ZNF761: variants seen among roughly 807,000 people sequenced by gnomAD.
ZNF761 encodes the protein zinc finger protein 761.
In ZNF761, 43 loss-of-function variants were observed where a neutral mutation model predicts 59.9. The observed-to-expected ratio is 0.72, with a 90% confidence interval of 0.56 to 0.92. ZNF761 has a LOEUF of 0.92. Among genes scored for constraint, ZNF761 ranks in the 40% least tolerant of loss-of-function variants. ZNF761 has a pLI of 0.00. For synonymous variants in ZNF761, 294 were observed against 304.8 expected, an observed-to-expected ratio of 0.96 and a Z score of 0.37; for missense variants, 850 against 906.1, an observed-to-expected ratio of 0.94 and a Z score of 0.79.
rs780443107 is a variant in ZNF761 at position 53,455,128 on chromosome 19, A to G, written c.621A>G (p.Glu207=). 2.5e-6 allele frequency: 4 copies of G among 1,614,078 alleles called. No individual in the cohort carries two copies. The Admixed American group carries it at 5.0e-5, about 20-fold the overall frequency. ...WNSSLLTQKQ[E]VHMREKSFQC... ...CTTCATTACTCACACAAAAACAGGA[A>G]GTACACATGAGAGAAAAATCTTTCC... Residue 207 remains glutamate (E), a synonymous_variant, in exon 5 of 5, where the codon GAA becomes GAG. Transcript: ENST00000684525.
At chr19:53,444,410 G>A (rs1054905061) in intron 1 of ZNF761, 1 of 152,168 alleles carries the variant, frequency 6.6e-6, no homozygotes, top group African/African-American at 2.4e-5. Context: ...TGAGATGTTT[G>A]TGTAAAGTCA....
In ZNF761 at chr19:53,455,534, C is replaced by T. The variant is rs374821142; in HGVS notation, c.1027C>T (p.Arg343Cys). Residue 343 changes from arginine (R) to cysteine (C), a missense_variant, in exon 5 of 5, where the codon CGC becomes TGC. Transcript: ENST00000684525. ...KTFRQKSILT[R>C]HHRLHTGEKP... ...CTTTAGGCAGAAGTCAATCCTTACA[C>T]GCCATCATCGACTTCATACTGGAGA... The T allele has an allele frequency of 4.2e-5, 67 of 1,609,628 alleles. 1 individual carries two copies. The highest frequency in any genetic ancestry group is 1.8e-4 in the Admixed American group (11 of 59,540).
chr19:53,443,861 A>T (rs1481601776), intron 1 of ZNF761: 1 of 152,564 alleles, frequency 6.6e-6, no homozygotes, highest in African/African-American at 2.4e-5. Context: ...TTCTGTACTA[A>T]GAAAAATTCT....
At chr19:53,447,495 T>A (rs1391608329) in intron 3 of ZNF761, among the ~76,000 whole-genome samples, 1 of 152,132 alleles carries the variant, frequency 6.6e-6, no homozygotes, top group Non-Finnish European at 1.5e-5. Context: ...CTGGGCATGG[T>A]CTTGGGAAGG....
At chr19:53,449,456 T>A (rs527807967) in intron 3 of ZNF761, 56 bp from the exon 4 acceptor site, 2 of 1,613,730 alleles carry the variant, frequency 1.2e-6, no homozygotes, top group South Asian at 2.2e-5. Flanking sequence ...TCTCATTTTC[T>A]GTAAAGATAA....
intron 1 of ZNF761, among the ~76,000 whole-genome samples, chr19:53,440,661 A>G (rs912265930): frequency 5.2e-4 from 77 of 149,506 alleles, no homozygotes; most frequent in African/African-American, 1.8e-3. Context: ...GTTATTACAT[A>G]ATACTTTTAA....
chr19:53,445,875 C>T (rs988983451), intron 1 of ZNF761, among the ~76,000 whole-genome samples: 13 of 152,292 alleles, frequency 8.5e-5, no homozygotes, highest in African/African-American at 3.1e-4. Context: ...AAGCCCAACT[C>T]CTCACTGTGG....
At position 53,449,073 on chromosome 19, in the gene ZNF761, T is replaced by C. The variant is rs189591028; in HGVS notation, c.16-439T>C. 5.1e-4 allele frequency among the ~76,000 whole-genome samples: 77 copies of C among 152,298 alleles called. 2 individuals are homozygous for C. The East Asian group carries it at 9.3e-3, about 18-fold the overall frequency. On this transcript the variant is annotated intron_variant, in intron 3 of 4. Coordinates refer to ENST00000684525, the MANE Select transcript of ZNF761 (RefSeq NM_001289951.2). ...TGGGCCGGGCGCGGTGGATCACGCATGTAATTCCAGCACTTTGAGAGGCTG... is the reference window on the plus strand; with the variant it reads ...TGGGCCGGGCGCGGTGGATCACGCACGTAATTCCAGCACTTTGAGAGGCTG...
At chr19:53,447,645 A>G (rs1363356570) in intron 3 of ZNF761, among the ~76,000 whole-genome samples, 1 of 152,174 alleles carries the variant, frequency 6.6e-6, no homozygotes, top group Non-Finnish European at 1.5e-5. Flanking sequence ...TGCCAATGGA[A>G]GTCATGTATT....
Position 53,456,180 on chromosome 19 carries a change from C to A in ZNF761, c.1673C>A (p.Thr558Asn). ...KPYKCKECGKTFNQQLTLKRH... is the reference protein window; with the variant it reads ...KPYKCKECGKNFNQQLTLKRH... ...TACAAGTGTAAGGAGTGTGGCAAGACCTTCAATCAGCAGTTAACCCTTAAA... is the reference window on the plus strand; with the variant it reads ...TACAAGTGTAAGGAGTGTGGCAAGAACTTCAATCAGCAGTTAACCCTTAAA... The change falls in exon 5 of 5, where the codon ACC becomes AAC. Residue 558 changes from threonine (T) to asparagine (N), a missense_variant. Transcript: ENST00000684525. 6.2e-7 allele frequency: 1 copy of A among 1,613,716 alleles called. No homozygotes were observed. The highest frequency in any genetic ancestry group is 1.7e-4 in the Middle Eastern group (1 of 6,058).
In ZNF761 at chr19:53,455,424, C is replaced by T. The variant is rs748073275; in HGVS notation, c.917C>T (p.Ala306Val). 6.2e-7 allele frequency: 1 copy of T among 1,613,338 alleles called. No homozygotes were observed. Among genetic ancestry groups the T allele is most frequent in the Non-Finnish European group, 8.5e-7 (1 of 1,179,894 alleles). Residue 306 changes from alanine (A) to valine (V), a missense_variant, in exon 5 of 5, where the codon GCT becomes GTT. By Grantham distance (64) the Ala-to-Val change is moderately conservative (BLOSUM62 0). Coordinates refer to ENST00000684525, the MANE Select transcript of ZNF761 (RefSeq NM_001289951.2). ...TACAAATGTGAAGAATGTGACAAAG[C>T]TTTCCATTTCAAATCAATACTTGAA... ...KPYKCEECDK[A>V]FHFKSILERH... is the part of the protein sequence containing the mutation.
Position 53,456,532 on chromosome 19 carries a change from A to G in ZNF761, c.2025A>G (p.Ser675=). The G allele has an allele frequency of 1.2e-6, 2 of 1,612,102 alleles. No individual in the cohort carries two copies. The highest frequency in any genetic ancestry group is 1.1e-5 in the South Asian group (1 of 90,898). Residue 675 remains serine (S), a synonymous_variant, in exon 5 of 5, where the codon TCA becomes TCG. Coordinates refer to ENST00000684525, the MANE Select transcript of ZNF761 (RefSeq NM_001289951.2). ...NECGKTFSRK[S]YFICHHRLHT... ...GTGGCAAGACCTTTAGTCGGAAGTC[A>G]TATTTTATATGCCATCATAGACTTC... is the stretch of plus-strand genomic sequence containing the variant.
At position 53,455,745 on chromosome 19, in the gene ZNF761, A is replaced by C. The variant is rs879793801; in HGVS notation, c.1238A>C (p.Glu413Ala). The C allele has an allele frequency of 6.2e-7, 1 of 1,614,106 alleles. No individual in the cohort carries two copies. The highest frequency in any genetic ancestry group is 8.5e-7 in the Non-Finnish European group (1 of 1,180,036). ...ACTGGAGAGAAACCTTACAAATGTG[A>C]AGAATGTGACAAAGCTTACAGTTTC... The part of the protein sequence containing the change: ...LHTGEKPYKC[E>A]ECDKAYSFRS... The change falls in exon 5 of 5, where the codon GAA becomes GCA. Residue 413 changes from glutamate (E) to alanine (A), a missense_variant. Glu to Ala is a moderately radical substitution (Grantham distance 107). Transcript: ENST00000684525.
intron 1 of ZNF761, among the ~76,000 whole-genome samples, chr19:53,439,270 C>CA (rs71185881): frequency 0.043 from 5,726 of 132,804 alleles, 173 homozygotes; most frequent in Admixed American, 0.048. Context: ...GACTCTGACT[C>CA]AAAAAAAAAA....
intron 1 of ZNF761, among the ~76,000 whole-genome samples, chr19:53,441,477 C>T (rs1181189471): frequency 1.4e-5 from 2 of 147,072 alleles, no homozygotes; most frequent in Non-Finnish European, 3.0e-5. Context: ...GGCAGAATCT[C>T]ACGCAGTCAC....
At chr19:53,440,018 C>G (rs554961266) in intron 1 of ZNF761, among the ~76,000 whole-genome samples, 7 of 152,198 alleles carry the variant, frequency 4.6e-5, no homozygotes, top group African/African-American at 1.7e-4. Context: ...TGAGGTTGCA[C>G]TGGTACCTGA....
intron 4 of ZNF761, among the ~76,000 whole-genome samples, chr19:53,451,615 G>A (rs2086222499): frequency 6.6e-6 from 1 of 151,284 alleles, no homozygotes; most frequent in Non-Finnish European, 1.5e-5. Flanking sequence ...TGGAGTCTCG[G>A]TCTGTCACCC....
At chr19:53,450,356 A>G (rs917116901) in intron 4 of ZNF761, 5 of 152,360 alleles carry the variant, frequency 3.3e-5, no homozygotes, top group African/African-American at 1.2e-4. Flanking sequence ...TAAGGCTAAT[A>G]TGAGTCTATG....
chr19:53,454,765 C>T lies in ZNF761; in HGVS notation c.258C>T (p.Cys86=), dbSNP rs563859985. ...IHESHHNGDF[C]YQDVDKDIHD... Reference sequence around the variant, plus strand: ...AAAGTCATCACAATGGAGATTTTTGCTACCAGGATGTTGATAAAGATATTC... The same window carrying T: ...AAAGTCATCACAATGGAGATTTTTGTTACCAGGATGTTGATAAAGATATTC... Residue 86 remains cysteine, a synonymous_variant, in exon 5 of 5, where the codon TGC becomes TGT. Coordinates refer to ENST00000684525, the MANE Select transcript of ZNF761 (RefSeq NM_001289951.2). 1 of 1,613,888 alleles carries T rather than the reference C, an allele frequency of 6.2e-7. No individual in the cohort carries two copies. Among genetic ancestry groups the T allele is most frequent in the Non-Finnish European group, 8.5e-7 (1 of 1,180,016 alleles).
Sources: allele counts gnomAD v4.1 joint callset (sites outside exome capture counted in the v4.1 genomes callset), GRCh38; gene constraint gnomAD v4.1.1; transcripts MANE v1.5; gene names NCBI Gene and HGNC (gene_info 2026-07-23, HGNC 2026-07-21).